Variants in DAAM1 observed in about 807,000 individuals in gnomAD.
DAAM1 encodes the protein disheveled-associated activator of morphogenesis 1.
DAAM1 carries 52 observed loss-of-function variants against 130.0 expected under a neutral mutation model. The ratio of observed to expected loss-of-function variants is 0.40; its 90% confidence interval spans 0.32 to 0.50. The LOEUF (loss-of-function observed/expected upper bound fraction) is 0.50, where lower values mean the gene tolerates loss of function less well. DAAM1 is among the 20% of genes least tolerant of loss of function. The pLI is 0.61. For missense variants in DAAM1, 1,134 were observed against 1,303.8 expected (o/e 0.87, Z 2.01); for synonymous variants, 452 against 444.5 (o/e 1.02, Z -0.21).
intron 2 of DAAM1, among the ~76,000 whole-genome samples, chr14:59,280,300 T>A (rs1883152732): frequency 6.6e-6 from 1 of 152,192 alleles, no homozygotes; most frequent in Non-Finnish European, 1.5e-5. Flanking sequence ...GCATGTGCCA[T>A]GGCCCATGCC....
At chr14:59,218,794 T>C (rs1241099867) in intron 1 of DAAM1, among the ~76,000 whole-genome samples, 1 of 152,202 alleles carries the variant, frequency 6.6e-6, no homozygotes, top group East Asian at 1.9e-4. Context: ...GTCTCGGCAT[T>C]TGTTAGCTAT....
chr14:59,311,199 T>C (rs1195204006), intron 3 of DAAM1, among the ~76,000 whole-genome samples: 1 of 152,180 alleles, frequency 6.6e-6, no homozygotes, highest in Non-Finnish European at 1.5e-5. Flanking sequence ...TTTTGAAAAT[T>C]TTAGCATGCT....
intron 6 of DAAM1, 47 bp from the exon 7 acceptor site, chr14:59,324,081 C>A: frequency 8.4e-7 from 1 of 1,188,776 alleles, no homozygotes; most frequent in Admixed American, 3.0e-5. Context: ...ATAAAATGAG[C>A]ATAAGGTTAG....
Position 59,263,606 on chromosome 14 carries a change from A to G in DAAM1, c.129A>G (p.Pro43=). Residue 43 remains proline (P), a synonymous_variant, in exon 2 of 25, where the codon CCA becomes CCG. Coordinates refer to ENST00000360909, the MANE Select transcript of DAAM1 (RefSeq NM_001270520.2). The part of the protein sequence containing the change: ...DSNFALQTME[P]ALPMPPVEEL... ...ACTTTGCGCTTCAGACCATGGAACC[A>G]GCATTGCCCATGCCCCCTGTGGAGG... The G allele has an allele frequency of 6.2e-7, 1 of 1,614,224 alleles. No individual in the cohort carries two copies. Among genetic ancestry groups the G allele is most frequent in the Non-Finnish European group, 8.5e-7 (1 of 1,180,034 alleles).
At chr14:59,299,081 G>A (rs532999656) in intron 3 of DAAM1, among the ~76,000 whole-genome samples, 2 of 152,270 alleles carry the variant, frequency 1.3e-5, no homozygotes, top group South Asian at 2.1e-4. Context: ...TAACATTCTG[G>A]TTCTGTAGAG....
chr14:59,343,930 C>G (rs1031210577), intron 16 of DAAM1, among the ~76,000 whole-genome samples: 4 of 152,194 alleles, frequency 2.6e-5, no homozygotes, highest in African/African-American at 9.7e-5. Flanking sequence ...GTCTTAGAGA[C>G]GTTCCTCAGG....
At chr14:59,350,909 A>G (rs1027981874) in intron 17 of DAAM1, among the ~76,000 whole-genome samples, 3 of 152,038 alleles carry the variant, frequency 2.0e-5, no homozygotes, top group Non-Finnish European at 4.4e-5. Context: ...TGCCTTCAGT[A>G]ACCTACCTGT....
chr14:59,225,968 C>G (rs1312780204), intron 1 of DAAM1, among the ~76,000 whole-genome samples: 1 of 152,140 alleles, frequency 6.6e-6, no homozygotes, highest in Non-Finnish European at 1.5e-5. Context: ...GCAAGAAACT[C>G]AAGCCCTACG....
chr14:59,320,379 TTTG>T (rs1884959561), intron 4 of DAAM1, 108 bp from the exon 5 acceptor site: 3 of 823,178 alleles, frequency 3.6e-6, no homozygotes, highest in South Asian at 4.0e-5. Flanking sequence ...TAATCATAGA[TTTG>T]TTGTTTATAT....
chr14:59,244,435 T>A (rs150116238), intron 1 of DAAM1, among the ~76,000 whole-genome samples: 142 of 152,268 alleles, frequency 9.3e-4, no homozygotes, highest in African/African-American at 3.3e-3. Flanking sequence ...GCTCCTGGAA[T>A]GCTGAGATGG....
At chr14:59,232,615 CTTTTTTTAAAATTTTCTCTTTT>C (rs1889146316) in intron 1 of DAAM1, among the ~76,000 whole-genome samples, 2 of 149,648 alleles carry the variant, frequency 1.3e-5, no homozygotes. Flanking sequence ...TTTTTTCTTT[CTTTTTTTAAAATTTTCTCTTTT>C]TTTTTTTCTT....
chr14:59,226,463 A>G (rs1888947074), intron 1 of DAAM1, among the ~76,000 whole-genome samples: 1 of 152,168 alleles, frequency 6.6e-6, no homozygotes. Context: ...GACTTTGGGC[A>G]TTTAGGGTTC....
chr14:59,362,099 C>T (rs1368720114), intron 22 of DAAM1, among the ~76,000 whole-genome samples: 1 of 151,192 alleles, frequency 6.6e-6, no homozygotes, highest in East Asian at 1.9e-4. Context: ...TCTCCCAGCC[C>T]CAGAGGGTCC....
chr14:59,331,625 A>C, intron 14 of DAAM1, 117 bp downstream of exon 14: 1 of 1,510,788 alleles, frequency 6.6e-7, no homozygotes, highest in Non-Finnish European at 8.8e-7. Context: ...ATGTGGACCA[A>C]GAGTTCTCAC....
Position 59,355,167 on chromosome 14 carries a change from A to G in DAAM1, c.2359A>G (p.Ile787Val). The change falls in exon 20 of 25, where the codon ATT (isoleucine) becomes GTT (valine). Residue 787 changes from isoleucine to valine, a missense_variant and splice_region_variant. Ile to Val is a conservative substitution (Grantham distance 29). This residue lies in a region of DAAM1 where 644 missense variants were observed against 695.9 expected (regional missense o/e 0.93). Coordinates refer to ENST00000360909, the MANE Select transcript of DAAM1 (RefSeq NM_001270520.2). ...TTTTTATGTGTTTTGTTTTGAAGCA[A>G]TTCGTTCTGGCTCAGAAGAGGTGTT... is the stretch of plus-strand genomic sequence containing the variant. ...VAEVKPKVEA[I>V]RSGSEEVFRS... 1 of 1,606,166 alleles carries G rather than the reference A, an allele frequency of 6.2e-7. No individual in the cohort carries two copies. The highest frequency in any genetic ancestry group is 8.5e-7 in the Non-Finnish European group (1 of 1,176,558).
At chr14:59,204,924 T>C (rs768579849) in intron 1 of DAAM1, among the ~76,000 whole-genome samples, 3 of 152,200 alleles carry the variant, frequency 2.0e-5, no homozygotes, top group Non-Finnish European at 4.4e-5. Context: ...AACTCACAAA[T>C]ATGCTTCACG....
At chr14:59,259,377 A>T (rs1039543843) in intron 1 of DAAM1, among the ~76,000 whole-genome samples, 2 of 152,232 alleles carry the variant, frequency 1.3e-5, no homozygotes, top group Non-Finnish European at 2.9e-5. Context: ...AGATAGCTGG[A>T]AATGAGCTTT....
intron 1 of DAAM1, among the ~76,000 whole-genome samples, chr14:59,256,501 C>T (rs1881892023): frequency 6.6e-6 from 1 of 152,170 alleles, no homozygotes; most frequent in Non-Finnish European, 1.5e-5. Context: ...AAATTGTTTC[C>T]TTGTGTATAG....
chr14:59,193,383 C>T (rs1221179239), intron 1 of DAAM1, among the ~76,000 whole-genome samples: 2 of 152,140 alleles, frequency 1.3e-5, no homozygotes, highest in Admixed American at 1.3e-4. Context: ...CAGGGACAGA[C>T]GAACATGAGA....
Sources: allele counts gnomAD v4.1 joint callset (sites outside exome capture counted in the v4.1 genomes callset), GRCh38; gene constraint gnomAD v4.1.1; regional missense constraint gnomAD v4.1.1; transcripts MANE v1.5; gene names NCBI Gene and HGNC (gene_info 2026-07-23, HGNC 2026-07-21).